Variants in NCKAP1 observed in about 807,000 individuals in gnomAD.
NCKAP1 encodes the protein NCK associated protein 1.
NCKAP1 carries 21 observed loss-of-function variants against 151.2 expected under a neutral mutation model. The observed-to-expected ratio is 0.14, with a 90% CI of 0.10 to 0.20. NCKAP1 has a LOEUF of 0.20. Ranked by LOEUF, NCKAP1 falls within the 10% of genes least tolerant of loss-of-function variation. NCKAP1 has a pLI of 1.00. For missense variants in NCKAP1, 933 were observed against 1,352.1 expected, an observed-to-expected ratio of 0.69 and a Z score of 4.86; for synonymous variants, 484 against 451.8, an observed-to-expected ratio of 1.07 and a Z score of -0.90.
chr2:183,009,421 GGGAA>G (rs1168445882), intron 2 of NCKAP1, among the ~76,000 whole-genome samples: 6,948 of 82,364 alleles, frequency 0.084, 293 homozygotes, highest in African/African-American at 0.094. Context: ...AAAGAGGGAA[GGGAA>G]GGAAGGAAGG....
chr2:182,924,965 G>C lies in NCKAP1; in HGVS notation c.*737C>G, dbSNP rs553645353. On this transcript the variant is annotated 3_prime_UTR_variant, in exon 31 of 31. Transcript: ENST00000361354. ...AAAATTTAAAACATATATAAAAAGT[G>C]GTTAGGGACTAACATTTGTATCAAC... The C allele has an allele frequency of 1.4e-4, 21 of 152,136 alleles. No homozygotes were observed. In the East Asian group the frequency reaches 3.9e-3, roughly 28 times the overall value. The allele number at this position is 152,136 out of a possible 1,614,324, so 9.4% of individuals were successfully genotyped here.
chr2:182,969,272 C>A (rs1011136838), intron 15 of NCKAP1, among the ~76,000 whole-genome samples: 1 of 151,986 alleles, frequency 6.6e-6, no homozygotes, highest in East Asian at 1.9e-4. Context: ...GACCACAGTG[C>A]AATAAAACTA....
chr2:182,938,729 G>T (rs1345345318), intron 24 of NCKAP1, among the ~76,000 whole-genome samples: 1 of 152,180 alleles, frequency 6.6e-6, no homozygotes, highest in Non-Finnish European at 1.5e-5. Context: ...TTGTGGGAAT[G>T]AATGTAGCAA....
intron 10 of NCKAP1, among the ~76,000 whole-genome samples, chr2:182,983,679 T>C (rs1041232805): frequency 3.9e-5 from 6 of 152,160 alleles, no homozygotes; most frequent in African/African-American, 1.4e-4. Flanking sequence ...AGCTATTTAT[T>C]TATGAATAAT....
intron 13 of NCKAP1, 140 bp downstream of exon 13, chr2:182,981,104 A>C: frequency 2.9e-6 from 3 of 1,045,104 alleles, no homozygotes; most frequent in Non-Finnish European, 2.8e-6. Flanking sequence ...CTTCCCTTCT[A>C]GGTAATGATC....
intron 18 of NCKAP1, among the ~76,000 whole-genome samples, chr2:182,960,947 A>C (rs989450527): frequency 2.0e-5 from 3 of 152,242 alleles, no homozygotes; most frequent in African/African-American, 4.8e-5. Context: ...TCTCAGAAGA[A>C]GACATTTATG....
At chr2:182,976,568 T>C (rs975923016) in intron 15 of NCKAP1, among the ~76,000 whole-genome samples, 2 of 152,218 alleles carry the variant, frequency 1.3e-5, no homozygotes, top group African/African-American at 4.8e-5. Context: ...ATGCCCACAG[T>C]AGATTTTAAA....
chr2:183,038,143 G>T lies in NCKAP1; in HGVS notation c.-44C>A. 3 of 1,427,708 alleles carry T rather than the reference G, an allele frequency of 2.1e-6. No homozygotes were observed. Among genetic ancestry groups the T allele is most frequent in the Non-Finnish European group, 1.9e-6 (2 of 1,073,080 alleles). The allele number at this position is 1,427,708 out of a possible 1,614,324, so 88.4% of individuals were successfully genotyped here. ...GCCGCCGCCGGCCGCCTCGCGCCCAGTCACGGGCCCGCGGCCTTCGCAGCA... is the reference window on the plus strand; with the variant it reads ...GCCGCCGCCGGCCGCCTCGCGCCCATTCACGGGCCCGCGGCCTTCGCAGCA... On this transcript the variant is annotated 5_prime_UTR_variant, in exon 1 of 31. The change creates a new upstream start codon in the 5' untranslated region. Coordinates refer to ENST00000361354, the MANE Select transcript of NCKAP1 (RefSeq NM_013436.5).
chr2:183,032,133 A>G (rs993479715), intron 1 of NCKAP1, among the ~76,000 whole-genome samples: 11 of 152,198 alleles, frequency 7.2e-5, no homozygotes, highest in Non-Finnish European at 1.6e-4. Flanking sequence ...AGAGGATTCT[A>G]TTATGTATCC....
At chr2:182,994,251 G>A (rs541997976) in intron 8 of NCKAP1, among the ~76,000 whole-genome samples, 2 of 152,246 alleles carry the variant, frequency 1.3e-5, no homozygotes, top group South Asian at 2.1e-4. Context: ...GCAATATAAC[G>A]TAGCCCATGA....
chr2:183,029,916 A>C (rs1017229519), intron 1 of NCKAP1, among the ~76,000 whole-genome samples: 43 of 152,132 alleles, frequency 2.8e-4, no homozygotes, highest in African/African-American at 1.0e-3. Context: ...TTTACTGTGC[A>C]ATTATTGTGT....
At chr2:182,927,149 A>G (rs1004573883) in intron 29 of NCKAP1, 1 of 342,792 alleles carries the variant, frequency 2.9e-6, no homozygotes, top group Non-Finnish European at 5.2e-6. Flanking sequence ...TTTAAAACTG[A>G]TTTTTTCAGA....
At chr2:182,937,408 A>G (rs1696900512) in intron 24 of NCKAP1, among the ~76,000 whole-genome samples, 1 of 152,168 alleles carries the variant, frequency 6.6e-6, no homozygotes, top group Non-Finnish European at 1.5e-5. Flanking sequence ...TAACTTCCCA[A>G]GGAACTAACT....
At chr2:182,951,646 A>AC (rs1357766260) in intron 23 of NCKAP1, among the ~76,000 whole-genome samples, 1 of 150,942 alleles carries the variant, frequency 6.6e-6, no homozygotes, top group African/African-American at 2.4e-5. Flanking sequence ...CAAAAAAAAA[A>AC]AAAAAACAAA....
At chr2:183,020,020 T>C (rs578217074) in intron 2 of NCKAP1, among the ~76,000 whole-genome samples, 16 of 152,128 alleles carry the variant, frequency 1.1e-4, no homozygotes, top group African/African-American at 3.6e-4. Flanking sequence ...TCAAGGATTC[T>C]AAAGGGATTA....
intron 15 of NCKAP1, among the ~76,000 whole-genome samples, chr2:182,969,600 T>G (rs914220827): frequency 1.3e-5 from 2 of 149,090 alleles, no homozygotes; most frequent in African/African-American, 4.9e-5. Flanking sequence ...TTGAAAGAAA[T>G]AAAAACAGAA....
intron 25 of NCKAP1, 104 bp downstream of exon 25, chr2:182,935,189 A>T: frequency 1.2e-6 from 1 of 820,404 alleles, no homozygotes; most frequent in Non-Finnish European, 1.9e-6. Context: ...CTGGAATTTT[A>T]ATTATATCAT....
chr2:183,037,178 A>G (rs1699118052), intron 1 of NCKAP1, among the ~76,000 whole-genome samples: 1 of 152,212 alleles, frequency 6.6e-6, no homozygotes, highest in East Asian at 1.9e-4. Flanking sequence ...CCTATTAGCT[A>G]TAGTTGCTCA....
At chr2:182,961,363 A>G (rs1411748290) in intron 18 of NCKAP1, among the ~76,000 whole-genome samples, 1 of 152,250 alleles carries the variant, frequency 6.6e-6, no homozygotes, top group Non-Finnish European at 1.5e-5. Flanking sequence ...CTGGATTAAG[A>G]AAATGTGGCA....
Sources: allele counts gnomAD v4.1 joint callset (sites outside exome capture counted in the v4.1 genomes callset), GRCh38; gene constraint gnomAD v4.1.1; transcripts MANE v1.5; gene names NCBI Gene and HGNC (gene_info 2026-07-23, HGNC 2026-07-21).